AOPEP: variants seen among roughly 807,000 people sequenced by gnomAD.
AOPEP encodes the protein aminopeptidase O (putative).
Under a neutral mutation model 98.1 loss-of-function variants are expected in AOPEP, and 77 were observed. The observed-to-expected ratio is 0.78, with a 90% CI of 0.65 to 0.95. The LOEUF (loss-of-function observed/expected upper bound fraction) is 0.95, where lower values mean the gene tolerates loss of function less well. Ranked by LOEUF, AOPEP falls within the 40% of genes least tolerant of loss-of-function variation. AOPEP has a pLI of 0.00. For synonymous variants in AOPEP, 346 were observed against 365.3 expected (o/e 0.95, Z 0.60); for missense variants, 1,024 against 1,024.7 (o/e 1.00, Z 0.01).
chr9:95,016,880 C>T (rs1005759913), intron 13 of AOPEP, among the ~76,000 whole-genome samples: 11 of 151,844 alleles, frequency 7.2e-5, no homozygotes, highest in South Asian at 4.2e-4. Context: ...GGATTACAGG[C>T]ATGAGCCACC....
intron 7 of AOPEP, among the ~76,000 whole-genome samples, chr9:94,938,139 C>G (rs1432742938): frequency 6.6e-6 from 1 of 152,224 alleles, no homozygotes. Context: ...TCCCAAAGTG[C>G]TGGGATTACA....
At chr9:94,901,399 C>T (rs1000204588) in intron 5 of AOPEP, among the ~76,000 whole-genome samples, 1 of 151,882 alleles carries the variant, frequency 6.6e-6, no homozygotes, top group African/African-American at 2.4e-5. Flanking sequence ...TGGGCACTGT[C>T]TTCATTCATC....
chr9:94,735,150 T>C (rs1831431193), intron 1 of AOPEP, among the ~76,000 whole-genome samples: 1 of 152,240 alleles, frequency 6.6e-6, no homozygotes, highest in Non-Finnish European at 1.5e-5. Flanking sequence ...AAACACTAGA[T>C]ACATAAAAAT....
At chr9:95,026,027 A>G (rs1027442077) in intron 13 of AOPEP, among the ~76,000 whole-genome samples, 16 of 152,152 alleles carry the variant, frequency 1.1e-4, no homozygotes, top group Admixed American at 1.3e-4. Flanking sequence ...GTGTTCCTTT[A>G]TTATCTTTAG....
chr9:94,990,405 G>A (rs1299557058), intron 11 of AOPEP, among the ~76,000 whole-genome samples: 8 of 152,140 alleles, frequency 5.3e-5, no homozygotes, highest in African/African-American at 1.9e-4. Flanking sequence ...CTGCAGTGCT[G>A]CCTTATTTTG....
Position 94,760,530 on chromosome 9 carries a change from A to G in AOPEP, c.747A>G (p.Lys249=). Residue 249 remains lysine (K), a synonymous_variant, in exon 2 of 17, where the codon AAA becomes AAG. Coordinates refer to ENST00000375315, the MANE Select transcript of AOPEP (RefSeq NM_001193329.3). ...CTCATGCTATCAGGATATGGTACAA[A>G]ACTAAACCTGAAGGGCGATCGGTTA... ...DFPHAIRIWY[K]TKPEGRSVTW... 1 of 1,583,360 alleles carries G rather than the reference A, an allele frequency of 6.3e-7. No homozygotes were observed. The highest frequency in any genetic ancestry group is 8.6e-7 in the Non-Finnish European group (1 of 1,168,214).
At chr9:94,958,719 T>A (rs2058626686) in intron 9 of AOPEP, among the ~76,000 whole-genome samples, 1 of 152,266 alleles carries the variant, frequency 6.6e-6, no homozygotes, top group East Asian at 1.9e-4. Flanking sequence ...TTGCTGATTT[T>A]AAAATTTCGA....
chr9:94,823,127 G>A (rs1237479941), intron 5 of AOPEP, among the ~76,000 whole-genome samples: 2 of 152,122 alleles, frequency 1.3e-5, no homozygotes, highest in African/African-American at 4.8e-5. Context: ...CTCCTGAGTA[G>A]CTGGGATTAC....
chr9:95,067,141 CTG>C (rs1417090984), intron 14 of AOPEP, among the ~76,000 whole-genome samples: 1 of 152,098 alleles, frequency 6.6e-6, no homozygotes, highest in African/African-American at 2.4e-5. Context: ...CTCTCTAGAA[CTG>C]TGGCACACCA....
intron 1 of AOPEP, among the ~76,000 whole-genome samples, chr9:94,755,161 A>G (rs1739248516): frequency 6.6e-6 from 1 of 152,068 alleles, no homozygotes; most frequent in South Asian, 2.1e-4. Context: ...TGGTTTTTAT[A>G]AGGGGGGACC....
At chr9:95,110,193 T>A in the AOPEP span, 2 of 950,022 alleles carry the variant, frequency 2.1e-6, no homozygotes, top group East Asian at 1.6e-4. Context: ...AGTTAGCTAG[T>A]AGAAGATGTG....
At chr9:95,098,798 C>G in the AOPEP span, among the ~76,000 whole-genome samples, 1 of 152,226 alleles carries the variant, frequency 6.6e-6, no homozygotes, top group African/African-American at 2.4e-5. Flanking sequence ...AGAGAAAACA[C>G]AGATATGAAA....
intron 7 of AOPEP, among the ~76,000 whole-genome samples, chr9:94,946,018 C>T (rs1172939166): frequency 6.6e-6 from 1 of 152,166 alleles, no homozygotes; most frequent in Non-Finnish European, 1.5e-5. Flanking sequence ...TGTCTCAGCA[C>T]ATTGCACAGC....
intron 1 of AOPEP, among the ~76,000 whole-genome samples, chr9:94,749,165 A>G (rs2132159533): frequency 6.6e-6 from 1 of 152,350 alleles, no homozygotes; most frequent in South Asian, 2.1e-4. Context: ...TACTTATTCA[A>G]TTATTTGTTT....
chr9:95,101,513 G>A, the AOPEP span: 1 of 683,942 alleles, frequency 1.5e-6, no homozygotes, highest in Non-Finnish European at 2.5e-6. Flanking sequence ...GTCTGACTGA[G>A]TCTGGGCTGA....
intron 5 of AOPEP, among the ~76,000 whole-genome samples, chr9:94,889,201 C>T (rs2048597769): frequency 6.6e-6 from 1 of 152,160 alleles, no homozygotes; most frequent in South Asian, 2.1e-4. Flanking sequence ...ACCATGTTGG[C>T]CAGGCTGGTC....
the AOPEP span, among the ~76,000 whole-genome samples, chr9:95,140,260 C>T: frequency 6.6e-6 from 1 of 152,154 alleles, no homozygotes; most frequent in Admixed American, 6.5e-5. Flanking sequence ...CTGCCATGAG[C>T]CAGGGAAGCC....
rs747643520 is a variant in AOPEP at position 95,060,753 on chromosome 9, C to G, written c.2175C>G (p.Ser725Arg). 1 of 1,614,010 alleles carries G rather than the reference C, an allele frequency of 6.2e-7. No individual in the cohort carries two copies. The highest frequency in any genetic ancestry group is 8.5e-7 in the Non-Finnish European group (1 of 1,179,890). The part of the protein sequence containing the change: ...LEHLLEQKTL[S>R]PRTLQSLQRT... Reference sequence around the variant, plus strand: ...ATCTCTTGGAGCAGAAGACTCTGAGCCCCCGAACTCTGCAAAGCCTCCAGA... The same window carrying G: ...ATCTCTTGGAGCAGAAGACTCTGAGGCCCCGAACTCTGCAAAGCCTCCAGA... The change falls in exon 14 of 17, where the codon AGC (serine) becomes AGG (arginine). Residue 725 changes from serine to arginine, a missense_variant. By Grantham distance (110) the Ser-to-Arg change is moderately radical (BLOSUM62 -1). Transcript: ENST00000375315.
chr9:95,011,493 C>T (rs1055233460), intron 13 of AOPEP, among the ~76,000 whole-genome samples: 6 of 152,102 alleles, frequency 3.9e-5, no homozygotes, highest in African/African-American at 1.2e-4. Context: ...TGAGCCACCG[C>T]GCACAGCTGA....
Sources: gnomAD v4.1 joint callset for allele counts (sites outside exome capture counted in the v4.1 genomes callset) on GRCh38, gnomAD v4.1.1 for gene constraint, MANE v1.5 for transcripts, NCBI Gene and HGNC (gene_info 2026-07-23, HGNC 2026-07-21) for gene names.